Variants in ARID1B observed in about 807,000 individuals in gnomAD.
ARID1B encodes AT-rich interactive domain-containing protein 1B.
A neutral mutation model predicts 212.3 loss-of-function variants in ARID1B; 30 were observed. That is an observed-to-expected ratio of 0.14 (90% CI 0.11 to 0.19). ARID1B has a LOEUF of 0.19. Among genes scored for constraint, ARID1B ranks in the 10% least tolerant of loss-of-function variants. The pLI, the probability that ARID1B is intolerant of heterozygous loss-of-function variation, is 1.00. For missense variants in ARID1B, 2,891 were observed against 3,204.0 expected (o/e 0.90, Z 2.36); for synonymous variants, 1,402 against 1,301.7 (o/e 1.08, Z -1.66).
intron 15 of ARID1B, chr6:157,194,518 G>A (rs1306487816): frequency 1.3e-4 from 20 of 152,210 alleles, no homozygotes; most frequent in Admixed American, 9.8e-4. Flanking sequence ...ATATTAAAAT[G>A]TTTAATTTGC....
At chr6:157,078,986 G>A (rs557846839) in intron 4 of ARID1B, among the ~76,000 whole-genome samples, 32 of 152,184 alleles carry the variant, frequency 2.1e-4, no homozygotes, top group Non-Finnish European at 4.3e-4. Context: ...CTTTTGATAC[G>A]GATTTTTGGA....
intron 2 of ARID1B, among the ~76,000 whole-genome samples, chr6:156,881,944 A>T (rs554162892): frequency 1.3e-5 from 2 of 152,238 alleles, no homozygotes; most frequent in Admixed American, 1.3e-4. Context: ...GGGTAGTAAC[A>T]TACATACTTC....
rs115642857 is a variant in ARID1B, at chr6:156,935,152, G to A, written c.2137-314G>A. Reference sequence around the variant, plus strand: ...TCTGTCACCCAGGCTGGAGTGCAGCGGTGCAGTCAAAGTTCACTGCAGCCT... The same window carrying A: ...TCTGTCACCCAGGCTGGAGTGCAGCAGTGCAGTCAAAGTTCACTGCAGCCT... On this transcript the variant is annotated intron_variant, in intron 3 of 19. Coordinates refer to ENST00000636930, the MANE Select transcript of ARID1B (RefSeq NM_001374828.1). Among the ~76,000 whole-genome samples the A allele has an allele frequency of 4.4e-3, 660 of 151,564 alleles. 2 individuals are homozygous for A. The highest frequency in any genetic ancestry group is 0.015 in the African/African-American group (618 of 41,286).
At chr6:157,018,022 C>A (rs918055278) in intron 4 of ARID1B, among the ~76,000 whole-genome samples, 1 of 149,674 alleles carries the variant, frequency 6.7e-6, no homozygotes, top group Non-Finnish European at 1.5e-5. Flanking sequence ...GTCCCAGTTA[C>A]TCAAGGGGCT....
chr6:156,983,343 C>T (rs558691711), intron 4 of ARID1B, among the ~76,000 whole-genome samples: 4 of 152,194 alleles, frequency 2.6e-5, no homozygotes, highest in Admixed American at 1.3e-4. Context: ...TGCAGTGAGC[C>T]GAGATTGTAC....
chr6:157,009,724 A>G (rs1779455137), intron 4 of ARID1B, among the ~76,000 whole-genome samples: 1 of 152,214 alleles, frequency 6.6e-6, no homozygotes, highest in African/African-American at 2.4e-5. Flanking sequence ...AGTGTTTTAT[A>G]TGCATTTATT....
chr6:157,082,074 ATCCCT>A (rs1784667628), intron 4 of ARID1B, among the ~76,000 whole-genome samples: 1 of 152,056 alleles, frequency 6.6e-6, no homozygotes, highest in South Asian at 2.1e-4. Context: ...GGTTTTTATG[ATCCCT>A]TCAAAAAGAG....
chr6:156,866,567 A>C (rs1233113198), intron 2 of ARID1B, among the ~76,000 whole-genome samples: 1 of 152,214 alleles, frequency 6.6e-6, no homozygotes, highest in Non-Finnish European at 1.5e-5. Flanking sequence ...AAAAGCAAAC[A>C]GTACTGCCAT....
At chr6:156,994,627 G>A (rs1053373281) in intron 4 of ARID1B, among the ~76,000 whole-genome samples, 1 of 152,060 alleles carries the variant, frequency 6.6e-6, no homozygotes, top group African/African-American at 2.4e-5. Context: ...TCTGTAGGGT[G>A]AACGCACGCC....
At position 157,002,014 on chromosome 6, in the gene ARID1B, C is replaced by T. The variant is rs577312442; in HGVS notation, c.2247+66438C>T. On this transcript the variant is annotated intron_variant, in intron 4 of 19. Transcript: ENST00000636930. ...TGTGTCCACACAGCTCCTGCTCTGC[C>T]TGTGACATTGGGTTGCTGTATATTA... Among the ~76,000 whole-genome samples, 3 of 152,326 alleles carry T rather than the reference C, an allele frequency of 2.0e-5. No individual in the cohort carries two copies. The South Asian group carries it at 6.2e-4, about 32-fold the overall frequency.
Position 157,207,609 on chromosome 6 carries a change from T to C in ARID1B, c.6837T>C (p.Ile2279=), listed in dbSNP as rs1459033425. ...ARAIAVQKGS[I]GNLISFLEDG... is the part of the protein sequence containing the mutation. ...CCATAGCTGTGCAGAAAGGAAGCAT[T>C]GGAAACTTGATAAGCTTCCTAGAGG... is the stretch of plus-strand genomic sequence containing the variant. Residue 2279 remains isoleucine, a synonymous_variant, in exon 20 of 20, where the codon ATT becomes ATC. Transcript: ENST00000636930. This position sits in a 1 kb window ranked among gnomAD's most constrained non-coding sequence, Gnocchi z 8.5. The C allele has an allele frequency of 1.9e-6, 3 of 1,614,124 alleles. No homozygotes were observed. The highest frequency in any genetic ancestry group is 2.5e-6 in the Non-Finnish European group (3 of 1,180,028).
At chr6:157,070,467 A>T (rs897929861) in intron 4 of ARID1B, among the ~76,000 whole-genome samples, 1 of 152,206 alleles carries the variant, frequency 6.6e-6, no homozygotes, top group African/African-American at 2.4e-5. Flanking sequence ...ATGTCACTTC[A>T]TAATTACAGT....
intron 4 of ARID1B, among the ~76,000 whole-genome samples, chr6:156,997,924 A>G (rs1778690995): frequency 6.6e-6 from 1 of 152,216 alleles, no homozygotes; most frequent in Non-Finnish European, 1.5e-5. Flanking sequence ...AAATGTGAAT[A>G]CTAGAAAAGT....
chr6:157,179,438 T>C (rs1792352750), intron 11 of ARID1B, among the ~76,000 whole-genome samples: 1 of 152,162 alleles, frequency 6.6e-6, no homozygotes, highest in African/African-American at 2.4e-5. Context: ...ATATAGTTTC[T>C]ATATTCTAAG....
At chr6:157,039,694 C>CTTCCTTCCTTCCTTCCTTCT (rs1554287218) in intron 4 of ARID1B, among the ~76,000 whole-genome samples, 19 of 58,448 alleles carry the variant, frequency 3.3e-4, no homozygotes, top group African/African-American at 9.9e-4. Flanking sequence ...TCCTTCCTTC[C>CTTCCTTCCTTCCTTCCTTCT]TTCTTTCTTT....
At chr6:157,178,019 T>C (rs1442464142) in intron 11 of ARID1B, among the ~76,000 whole-genome samples, 2 of 152,204 alleles carry the variant, frequency 1.3e-5, no homozygotes, top group African/African-American at 2.4e-5. Context: ...AATTGCGCTC[T>C]GTTCAGACAC....
chr6:157,159,242 A>G (rs570110713), intron 8 of ARID1B, among the ~76,000 whole-genome samples: 1 of 152,358 alleles, frequency 6.6e-6, no homozygotes, highest in South Asian at 2.1e-4. Context: ...TAGCAGAACA[A>G]TGGGCTTAAC....
chr6:156,951,679 G>A (rs990696647), intron 4 of ARID1B, among the ~76,000 whole-genome samples: 5 of 151,996 alleles, frequency 3.3e-5, no homozygotes, highest in Admixed American at 6.6e-5. Flanking sequence ...TCCTGACCTC[G>A]TGATCCGCCC....
intron 7 of ARID1B, among the ~76,000 whole-genome samples, chr6:157,139,353 C>T (rs967665452): frequency 2.6e-5 from 4 of 152,166 alleles, no homozygotes; most frequent in Non-Finnish European, 4.4e-5. Context: ...TACCTTTTCC[C>T]GAGGTCCATC....
Sources: allele counts gnomAD v4.1 joint callset (sites outside exome capture counted in the v4.1 genomes callset), GRCh38; gene constraint gnomAD v4.1.1; non-coding constraint Gnocchi (gnomAD v3.1); transcripts MANE v1.5; gene names NCBI Gene and HGNC (gene_info 2026-07-23, HGNC 2026-07-21).